The following RAD51C variants were observed in gnomAD, a reference collection of about 807,000 sequenced individuals.
RAD51C encodes the protein DNA repair protein RAD51 homolog 3.
RAD51C carries 42 observed loss-of-function variants against 45.0 expected under a neutral mutation model. The ratio of observed to expected loss-of-function variants is 0.93; its 90% confidence interval spans 0.73 to 1.21. RAD51C has a LOEUF of 1.21. RAD51C is among the 50% of genes most tolerant of loss of function. RAD51C has a pLI of 0.00. For synonymous variants in RAD51C, 172 were observed against 159.8 expected, an observed-to-expected ratio of 1.08 and a Z score of -0.58; for missense variants, 474 against 452.2, an observed-to-expected ratio of 1.05 and a Z score of -0.44.
intron 4 of RAD51C, among the ~76,000 whole-genome samples, chr17:58,706,283 C>T (rs1002726836): frequency 1.3e-5 from 2 of 151,872 alleles, no homozygotes; most frequent in Non-Finnish European, 2.9e-5. Context: ...AAAAATTAGC[C>T]GGGCATGGTG....
intron 7 of RAD51C, 64 bp from the exon 8 acceptor site, chr17:58,732,420 C>T (rs1389562810): frequency 7.3e-7 from 1 of 1,370,406 alleles, no homozygotes. Context: ...TGAGTTTGGT[C>T]ATCTGAACTT....
At chr17:58,698,487 C>A (rs1340627825) in intron 3 of RAD51C, among the ~76,000 whole-genome samples, 1 of 148,582 alleles carries the variant, frequency 6.7e-6, no homozygotes, top group Admixed American at 6.7e-5. Context: ...CCCGGCCACA[C>A]CCAGCTAATT....
chr17:58,705,468 G>C (rs1382015259), intron 4 of RAD51C, among the ~76,000 whole-genome samples: 1 of 151,932 alleles, frequency 6.6e-6, no homozygotes, highest in African/African-American at 2.4e-5. Context: ...AGAGTAGCTG[G>C]GACTACAGGC....
chr17:58,698,297 C>A (rs1441928083), intron 3 of RAD51C, among the ~76,000 whole-genome samples: 1 of 151,572 alleles, frequency 6.6e-6, no homozygotes. Flanking sequence ...ATTCTCCTGC[C>A]TCAGCCTCCC....
At chr17:58,709,776 T>C (rs1174219348) in intron 4 of RAD51C, 83 bp from the exon 5 acceptor site, 1 of 1,346,334 alleles carries the variant, frequency 7.4e-7, no homozygotes, top group Non-Finnish European at 1.0e-6. Context: ...AGAAGGTCCC[T>C]GCTCTCTTGG....
In RAD51C at chr17:58,735,503, C is replaced by G. The variant is rs1308499357; in HGVS notation, c.*1281C>G. 2 of 151,994 alleles carry G rather than the reference C, an allele frequency of 1.3e-5. No individual in the cohort carries two copies. The highest frequency in any genetic ancestry group is 2.9e-5 in the Non-Finnish European group (2 of 67,994). The allele number at this position is 151,994 out of a possible 1,614,324, so 9.4% of individuals were successfully genotyped here. A position where few individuals can be genotyped will look rare whatever the true frequency, so the allele number is the denominator to read the frequency against. On this transcript the variant is annotated 3_prime_UTR_variant, in exon 9 of 9. Transcript: ENST00000337432. ...TGAGCCACCACACCTGGCCTCATTT[C>G]TATATTTTGAAACACGGTATGATCC...
intron 5 of RAD51C, among the ~76,000 whole-genome samples, chr17:58,718,497 T>C (rs1241207900): frequency 6.6e-6 from 1 of 152,226 alleles, no homozygotes; most frequent in African/African-American, 2.4e-5. Context: ...CTGACTTCTG[T>C]GTTAAGTCAG....
chr17:58,692,717 T>C lies in RAD51C; in HGVS notation c.74T>C (p.Val25Ala), dbSNP rs2047809263. The C allele has an allele frequency of 6.2e-7, 1 of 1,614,180 alleles. No homozygotes were observed. Among genetic ancestry groups the C allele is most frequent in the East Asian group, 2.2e-5 (1 of 44,882 alleles). Residue 25 changes from valine (V) to alanine (A), a missense_variant, in exon 1 of 9, where the codon GTG becomes GCG. Coordinates refer to ENST00000337432, the MANE Select transcript of RAD51C (RefSeq NM_058216.3). Reference protein sequence around the residue: ...VSFPLSPAVRVKLVSAGFQTA... With the variant: ...VSFPLSPAVRAKLVSAGFQTA... The stretch of plus-strand genomic sequence containing the variant: ...TTCCCGCTGTCTCCAGCGGTGCGGG[T>C]GAAGCTGGTGTCTGCGGGGTTCCAG...
At chr17:58,732,772 AGTGTGT>A (rs1434226448) in intron 8 of RAD51C, 1 of 510,754 alleles carries the variant, frequency 2.0e-6, no homozygotes, top group East Asian at 3.3e-5. Context: ...ATTTTGGGGT[AGTGTGT>A]TCCATGCCAT....
intron 3 of RAD51C, among the ~76,000 whole-genome samples, chr17:58,697,166 A>G (rs1043238421): frequency 3.3e-5 from 5 of 152,234 alleles, no homozygotes; most frequent in African/African-American, 1.2e-4. Flanking sequence ...ACACCTTAAT[A>G]TAAGCAACTG....
intron 6 of RAD51C, among the ~76,000 whole-genome samples, chr17:58,722,759 C>G (rs1281370035): frequency 6.6e-6 from 1 of 152,178 alleles, no homozygotes; most frequent in Non-Finnish European, 1.5e-5. Context: ...AACTGGCGCT[C>G]TCTTTGCTAG....
At chr17:58,732,296 T>C (rs931627803) in intron 7 of RAD51C, 188 bp from the exon 8 acceptor site, 11 of 490,608 alleles carry the variant, frequency 2.2e-5, no homozygotes, top group Non-Finnish European at 3.9e-5. Flanking sequence ...TCATATAAAC[T>C]CTGTTATATA....
intron 5 of RAD51C, 140 bp from the exon 6 acceptor site, chr17:58,720,605 TG>T (rs1009839758): frequency 1.6e-6 from 1 of 641,096 alleles, no homozygotes; most frequent in African/African-American, 1.8e-5. Context: ...CCGGAGTAGC[TG>T]GGATTACAGG....
chr17:58,713,171 A>G (rs2143876258), intron 5 of RAD51C, among the ~76,000 whole-genome samples: 1 of 152,290 alleles, frequency 6.6e-6, no homozygotes, highest in Non-Finnish European at 1.5e-5. Flanking sequence ...TATACATGCT[A>G]TTATGCAAAG....
intron 5 of RAD51C, among the ~76,000 whole-genome samples, chr17:58,719,698 G>A (rs926145394): frequency 6.6e-6 from 1 of 151,300 alleles, no homozygotes; most frequent in African/African-American, 2.4e-5. Flanking sequence ...ATATTTTCAG[G>A]TAACTACATC....
intron 7 of RAD51C, among the ~76,000 whole-genome samples, chr17:58,731,264 T>G (rs572103558): frequency 7.2e-5 from 11 of 151,998 alleles, no homozygotes; most frequent in African/African-American, 2.2e-4. Context: ...AGCAGTTTTT[T>G]TTTTTTTTTT....
chr17:58,698,666 G>A (rs2048105328), intron 3 of RAD51C, among the ~76,000 whole-genome samples: 1 of 151,360 alleles, frequency 6.6e-6, no homozygotes, highest in African/African-American at 2.4e-5. Context: ...TAGGCCGGGT[G>A]CAGTGTCTCA....
chr17:58,725,718 G>A (rs2049095302), intron 7 of RAD51C, among the ~76,000 whole-genome samples: 1 of 152,112 alleles, frequency 6.6e-6, no homozygotes, highest in Admixed American at 6.6e-5. Flanking sequence ...TACATGGCCG[G>A]ATGCAGTGGC....
chr17:58,695,234 T>C (rs779450775), intron 2 of RAD51C, 45 bp downstream of exon 2: 1 of 1,572,992 alleles, frequency 6.4e-7, no homozygotes, highest in Admixed American at 1.8e-5. Flanking sequence ...TAATAACATA[T>C]TATGAAAGTA....
Sources: allele counts gnomAD v4.1 joint callset (sites outside exome capture counted in the v4.1 genomes callset), GRCh38; gene constraint gnomAD v4.1.1; transcripts MANE v1.5; gene names NCBI Gene and HGNC (gene_info 2026-07-23, HGNC 2026-07-21).